SUGP1: variants seen among roughly 807,000 people sequenced by gnomAD.
SUGP1 encodes the protein SURP and G-patch domain-containing protein 1.
A neutral mutation model predicts 76.5 loss-of-function variants in SUGP1; 34 were observed. The observed-to-expected ratio is 0.44, with a 90% CI of 0.34 to 0.59. The LOEUF (loss-of-function observed/expected upper bound fraction) is 0.59, where lower values mean the gene tolerates loss of function less well. Among genes scored for constraint, SUGP1 ranks in the 20% least tolerant of loss-of-function variants. The pLI, the probability that SUGP1 is intolerant of heterozygous loss-of-function variation, is 0.01. For synonymous variants in SUGP1, 326 were observed against 326.2 expected, an observed-to-expected ratio of 1.00 and a Z score of 0.01; for missense variants, 752 against 851.7, an observed-to-expected ratio of 0.88 and a Z score of 1.46.
At chr19:19,278,584 G>A in intron 11 of SUGP1, 106 bp downstream of exon 11, 1 of 951,786 alleles carries the variant, frequency 1.1e-6, no homozygotes, top group Non-Finnish European at 1.6e-6. Context: ...GGCTCCTGCT[G>A]TGATCGAGAG....
chr19:19,297,098 G>C lies in SUGP1; in HGVS notation c.1134C>G (p.Thr378=). The change falls in exon 8 of 14, where the codon ACC becomes ACG. Residue 378 remains threonine, a synonymous_variant. Coordinates refer to ENST00000247001, the MANE Select transcript of SUGP1 (RefSeq NM_172231.4). ...ACCGGCTCTTCCGCTTCCTCTTCACGGTGGCTGCGGAGGCTGGCTTCCCGG... is the reference window on the plus strand; with the variant it reads ...ACCGGCTCTTCCGCTTCCTCTTCACCGTGGCTGCGGAGGCTGGCTTCCCGG... ...AAPGKPASAA[T]VKRKRKSRWG... 1 of 1,613,858 alleles carries C rather than the reference G, an allele frequency of 6.2e-7. No individual in the cohort carries two copies. The highest frequency in any genetic ancestry group is 1.1e-5 in the South Asian group (1 of 91,072).
At chr19:19,310,974 T>C (rs943480815) in intron 2 of SUGP1, among the ~76,000 whole-genome samples, 5 of 151,980 alleles carry the variant, frequency 3.3e-5, no homozygotes, top group Non-Finnish European at 2.9e-5. Flanking sequence ...CTTGCTCTGC[T>C]GCCCTGGCTA....
chr19:19,286,392 G>A (rs1483450717), intron 8 of SUGP1, among the ~76,000 whole-genome samples: 1 of 152,196 alleles, frequency 6.6e-6, no homozygotes, highest in Non-Finnish European at 1.5e-5. Flanking sequence ...CATTATGAAA[G>A]TCTGGAAGGG....
Position 19,276,473 on chromosome 19 carries a change from G to T in SUGP1, c.*175C>A. The T allele has an allele frequency of 1.4e-6, 1 of 715,008 alleles. No individual in the cohort carries two copies. The allele number at this position is 715,008 out of a possible 1,614,324, so 44.3% of individuals were successfully genotyped here. A position where few individuals can be genotyped will look rare whatever the true frequency, so the allele number is the denominator to read the frequency against. On this transcript the variant is annotated 3_prime_UTR_variant, in exon 14 of 14. Coordinates refer to ENST00000247001, the MANE Select transcript of SUGP1 (RefSeq NM_172231.4). ...CCGAGACAGCATCTTGCATCCCGCT[G>T]CTAACAGGAGGGGCTTCCTGCAACA...
chr19:19,286,710 CTT>C (rs943346923), intron 8 of SUGP1, among the ~76,000 whole-genome samples: 3 of 151,930 alleles, frequency 2.0e-5, no homozygotes, highest in African/African-American at 7.3e-5. Flanking sequence ...TAACAAATCT[CTT>C]GTCTCTATAA....
At chr19:19,299,845 G>A (rs369753442) in intron 7 of SUGP1, among the ~76,000 whole-genome samples, 1 of 151,936 alleles carries the variant, frequency 6.6e-6, no homozygotes. Flanking sequence ...AGGCTGGAGT[G>A]CAGTGGTGCA....
At chr19:19,297,540 T>C (rs2061237539) in intron 7 of SUGP1, among the ~76,000 whole-genome samples, 196 bp from the exon 8 acceptor site, 1 of 152,162 alleles carries the variant, frequency 6.6e-6, no homozygotes, top group Admixed American at 6.5e-5. Context: ...GGTGGCCCGA[T>C]GCCCTTCCTT....
At chr19:19,308,970 G>A (rs1487585440) in intron 3 of SUGP1, among the ~76,000 whole-genome samples, 1 of 151,866 alleles carries the variant, frequency 6.6e-6, no homozygotes, top group South Asian at 2.1e-4. Context: ...GGGTTCAACC[G>A]ATTCCCCTGC....
intron 1 of SUGP1, among the ~76,000 whole-genome samples, chr19:19,318,487 T>G (rs2061411756): frequency 6.6e-6 from 1 of 152,046 alleles, no homozygotes; most frequent in Non-Finnish European, 1.5e-5. Context: ...GGAGTGCAGT[T>G]GCATGATCGT....
At chr19:19,302,488 T>A (rs754908478) in intron 6 of SUGP1, 100 bp from the exon 7 acceptor site, 1 of 1,506,024 alleles carries the variant, frequency 6.6e-7, no homozygotes, top group Non-Finnish European at 9.0e-7. Context: ...GTTTTAGGAA[T>A]GATGCAAAGA....
At position 19,277,675 on chromosome 19, in the gene SUGP1, G is replaced by A. The variant is rs540846192; in HGVS notation, c.1781+59C>T. 4.9e-5 allele frequency: 77 copies of A among 1,586,074 alleles called. 1 individual carries two copies. The Middle Eastern group carries it at 5.1e-4, about 10-fold the overall frequency. ...CATAAAGGGGTGGGAATGGGGAGGC[G>A]GCAGGGGACCCACAGACCCCAAGTT... On this transcript the variant is annotated intron_variant, in intron 12 of 13. Coordinates refer to ENST00000247001, the MANE Select transcript of SUGP1 (RefSeq NM_172231.4).
intron 8 of SUGP1, among the ~76,000 whole-genome samples, chr19:19,284,854 T>C (rs565928438): frequency 6.6e-6 from 1 of 150,784 alleles, no homozygotes; most frequent in South Asian, 2.1e-4. Flanking sequence ...AGGAAAGATA[T>C]GCATGTGCTC....
intron 4 of SUGP1, 175 bp from the exon 5 acceptor site, chr19:19,304,022 C>T: frequency 1.3e-6 from 2 of 1,585,848 alleles, no homozygotes; most frequent in Non-Finnish European, 1.7e-6. Context: ...GGGAGTCGGT[C>T]TCACTGTCTT....
intron 8 of SUGP1, among the ~76,000 whole-genome samples, chr19:19,296,725 G>A (rs547025428): frequency 2.2e-4 from 33 of 152,082 alleles, no homozygotes; most frequent in Middle Eastern, 3.4e-3. Flanking sequence ...TAGGTATACC[G>A]ACAAGAGAAC....
chr19:19,315,215 C>T (rs1168247036), intron 2 of SUGP1, among the ~76,000 whole-genome samples: 4 of 151,994 alleles, frequency 2.6e-5, no homozygotes, highest in African/African-American at 9.7e-5. Context: ...GTGGTCCCAG[C>T]TACTTGGGAG....
intron 8 of SUGP1, among the ~76,000 whole-genome samples, chr19:19,296,612 A>C (rs1165741551): frequency 1.3e-5 from 2 of 151,448 alleles, no homozygotes; most frequent in African/African-American, 4.9e-5. Flanking sequence ...GCACCACTGC[A>C]CTCCAGCCTG....
Position 19,305,951 on chromosome 19 carries a change from A to G in SUGP1, c.436T>C (p.Tyr146His). 6.2e-7 allele frequency: 1 copy of G among 1,613,066 alleles called. No individual in the cohort carries two copies. Residue 146 changes from tyrosine to histidine, a missense_variant, in exon 4 of 14, where the codon TAC becomes CAC. Physicochemically the swap from Tyr to His is moderately conservative, Grantham distance 83. Transcript: ENST00000247001. ...ACGGGCAGCTGCTTGGCGTGGGAGTAGCTCTTCACAGGGCCCGGCAGGCTG... is the reference window on the plus strand; with the variant it reads ...ACGGGCAGCTGCTTGGCGTGGGAGTGGCTCTTCACAGGGCCCGGCAGGCTG... ...LASLPGPVKSYSHAKQLPVAH... is the reference protein window; with the variant it reads ...LASLPGPVKSHSHAKQLPVAH...
rs1555788756 is a variant in SUGP1, at chr19:19,291,934, A to ACACAC, written c.1243+5054_1243+5055insGTGTG. Among the ~76,000 whole-genome samples, 827 of 97,882 alleles carry ACACAC rather than the reference A, an allele frequency of 8.4e-3. 4 individuals carry two copies. The highest frequency in any genetic ancestry group is 0.027 in the East Asian group (82 of 3,000). 64.2% of individuals were successfully genotyped at this position (97,882 alleles called of 152,430 possible). On this transcript the variant is annotated intron_variant, in intron 8 of 13. Coordinates refer to ENST00000247001, the MANE Select transcript of SUGP1 (RefSeq NM_172231.4). Reference sequence around the variant, plus strand: ...ACACACACACACACACACACACACAAAAGGGCCAAGAATTAGATAGCTTCA... The same window carrying ACACAC: ...ACACACACACACACACACACACACAACACACAAGGGCCAAGAATTAGATAGCTTCA...
chr19:19,279,887 C>T (rs748212288), intron 9 of SUGP1, among the ~76,000 whole-genome samples: 6 of 152,212 alleles, frequency 3.9e-5, no homozygotes, highest in East Asian at 1.9e-4. Context: ...AGCCCTGGAG[C>T]GCGGCGAGAA....
Sources: gnomAD v4.1 joint callset for allele counts (sites outside exome capture counted in the v4.1 genomes callset) on GRCh38, gnomAD v4.1.1 for gene constraint, MANE v1.5 for transcripts, NCBI Gene and HGNC (gene_info 2026-07-23, HGNC 2026-07-21) for gene names.